The following LRP1 variants were observed in gnomAD, a reference collection of about 807,000 sequenced individuals.
LRP1 encodes LDL receptor related protein 1, also known as prolow-density lipoprotein receptor-related protein 1.
LRP1 carries 51 observed loss-of-function variants against 541.5 expected under a neutral mutation model. The observed-to-expected ratio is 0.09, with a 90% CI of 0.08 to 0.12. The LOEUF (loss-of-function observed/expected upper bound fraction) is 0.12. Among genes scored for constraint, LRP1 ranks in the 10% least tolerant of loss-of-function variants. The pLI is 1.00. For missense variants in LRP1, 3,878 were observed against 6,376.2 expected (o/e 0.61, Z 13.34); for synonymous variants, 2,219 against 2,470.8 (o/e 0.90, Z 3.02).
intron 42 of LRP1, among the ~76,000 whole-genome samples, chr12:57,188,804 C>T (rs535504570): frequency 4.3e-4 from 66 of 152,302 alleles, no homozygotes; most frequent in African/African-American, 1.6e-3. Context: ...GGACTGGCCC[C>T]ACCTGGAAGT....
intron 6 of LRP1, chr12:57,146,728 G>A (rs1004704448): frequency 1.3e-5 from 2 of 152,354 alleles, no homozygotes; most frequent in African/African-American, 4.8e-5. Flanking sequence ...GCTCACCTGT[G>A]ATCAGACATG....
At position 57,196,294 on chromosome 12, in the gene LRP1, G is replaced by A. The variant is rs373158882; in HGVS notation, c.8892+17G>A. Reference sequence around the variant, plus strand: ...GGCTTCAAGGTATGCCCAGCCCTGGGGAGGAGCTTCCACACCCCAGACGTG... The same window carrying A: ...GGCTTCAAGGTATGCCCAGCCCTGGAGAGGAGCTTCCACACCCCAGACGTG... On this transcript the variant is annotated intron_variant, in intron 55 of 88. Coordinates refer to ENST00000243077, the MANE Select transcript of LRP1 (RefSeq NM_002332.3). 4.2e-5 allele frequency: 65 copies of A among 1,550,782 alleles called. No homozygotes were observed. In the African/African-American group the frequency reaches 8.4e-4, roughly 20 times the overall value.
chr12:57,169,243 C>T lies in LRP1; in HGVS notation c.3099C>T (p.Thr1033=). The change falls in exon 20 of 89, where the codon ACC becomes ACT. Residue 1033 remains threonine, a synonymous_variant. Transcript: ENST00000243077. The stretch of plus-strand genomic sequence containing the variant: ...GGCGTTGCATCCCCGAGCACTGGAC[C>T]TGCGATGGGGACAATGACTGCGGAG... ...NSGRCIPEHW[T]CDGDNDCGDY... The T allele has an allele frequency of 6.2e-7, 1 of 1,613,962 alleles. No homozygotes were observed. Among genetic ancestry groups the T allele is most frequent in the Non-Finnish European group, 8.5e-7 (1 of 1,179,962 alleles).
rs534706820 is a variant in LRP1, at chr12:57,212,325, G to C, written c.13494+64G>C. 1 of 1,613,040 alleles carries C rather than the reference G, an allele frequency of 6.2e-7. No individual in the cohort carries two copies. Among genetic ancestry groups the C allele is most frequent in the East Asian group, 2.2e-5 (1 of 44,868 alleles). ...CGTGGGTGGCCTAACCAAAGGTGTT[G>C]GGTTAGGTGAGGGACGGAGGTGGGG... On this transcript the variant is annotated intron_variant, in intron 88 of 88. Transcript: ENST00000243077. This position sits in a 1 kb window ranked among gnomAD's most constrained non-coding sequence, Gnocchi z 5.0.
rs2034962270 is a variant in LRP1, at chr12:57,128,547, GAGCCCCCAGAGCTCCATCA to G, written c.-410_-392del. On this transcript the variant is annotated 5_prime_UTR_variant, in exon 1 of 89. Transcript: ENST00000243077. ...TGCACTGAGGAGGCGGAAACAAGGG[GAGCCCCCAGAGCTCCATCA>G]AGCCCCCTCCAAAGGCTCCCCTACC... The G allele has an allele frequency of 7.6e-6, 3 of 396,106 alleles. No homozygotes were observed. The highest frequency in any genetic ancestry group is 4.4e-6 in the Non-Finnish European group (1 of 224,734). 24.5% of individuals were successfully genotyped at this position (396,106 alleles called of 1,614,324 possible). A position where few individuals can be genotyped will look rare whatever the true frequency, so the allele number is the denominator to read the frequency against.
intron 51 of LRP1, 80 bp from the exon 52 acceptor site, chr12:57,195,191 C>A: frequency 1.3e-6 from 2 of 1,570,858 alleles, no homozygotes; most frequent in Non-Finnish European, 1.7e-6. Context: ...CCCCTGCAGA[C>A]GACGGCGAAC....
In LRP1 at chr12:57,200,492, C is replaced by T. The variant is rs370463475; in HGVS notation, c.10065C>T (p.Thr3355=). ...KCIPFWWKCD[T]EDDCGDHSDE... is the part of the protein sequence containing the mutation. ...TCCCCTTCTGGTGGAAGTGTGACAC[C>T]GAGGACGACTGCGGGGACCACTCAG... The change falls in exon 63 of 89, where the codon ACC becomes ACT. Residue 3355 remains threonine (T), a synonymous_variant. Transcript: ENST00000243077. The T allele has an allele frequency of 1.3e-5, 21 of 1,613,688 alleles. 1 individual carries two copies. The highest frequency in any genetic ancestry group is 3.3e-5 in the Admixed American group (2 of 59,996).
intron 22 of LRP1, among the ~76,000 whole-genome samples, 171 bp downstream of exon 22, chr12:57,174,151 C>T (rs888741640): frequency 4.6e-5 from 7 of 152,186 alleles, no homozygotes; most frequent in East Asian, 3.8e-4. Flanking sequence ...CTCCCCATGG[C>T]GCTGTGCTGA....
intron 20 of LRP1, among the ~76,000 whole-genome samples, chr12:57,169,516 A>T (rs1037343075): frequency 6.6e-6 from 1 of 152,060 alleles, no homozygotes; most frequent in African/African-American, 2.4e-5. Flanking sequence ...TGTTAATATC[A>T]TGCGCTTTGC....
chr12:57,194,941 AC>A (rs759959794), intron 50 of LRP1, 43 bp from the exon 51 acceptor site: 1 of 1,489,856 alleles, frequency 6.7e-7, no homozygotes, highest in Non-Finnish European at 9.4e-7. Flanking sequence ...CAGGTGGGTG[AC>A]CCCCACCCTT....
Position 57,206,534 on chromosome 12 carries a change from C to A in LRP1, c.11652C>A (p.Gly3884=), listed in dbSNP as rs1176296188. The A allele has an allele frequency of 6.2e-7, 1 of 1,614,148 alleles. No homozygotes were observed. ...ATGAGATCCGCAGCCTGTTCCCCGG[C>A]CACCCCCATTCGGCTTACGAGCAGG... ...DDNEIRSLFP[G]HPHSAYEQAF... is the part of the protein sequence containing the mutation. The change falls in exon 76 of 89, where the codon GGC becomes GGA. Residue 3884 remains glycine (G), a synonymous_variant. Transcript: ENST00000243077. The surrounding 1 kb of genome is among the most constrained non-coding windows in gnomAD (Gnocchi z 4.7).
intron 79 of LRP1, 114 bp from the exon 80 acceptor site, chr12:57,209,578 G>C: frequency 1.2e-6 from 1 of 846,936 alleles, no homozygotes; most frequent in Middle Eastern, 2.6e-4. Flanking sequence ...AGAGAATTTG[G>C]TCTGGATGTG....
chr12:57,192,438 G>A (rs565479796), intron 44 of LRP1, among the ~76,000 whole-genome samples: 1 of 152,220 alleles, frequency 6.6e-6, no homozygotes, highest in East Asian at 1.9e-4. Flanking sequence ...AGACAGCCGA[G>A]AGCCTGGGTG....
intron 44 of LRP1, among the ~76,000 whole-genome samples, chr12:57,192,196 C>T (rs1314562302): frequency 6.6e-6 from 1 of 151,906 alleles, no homozygotes; most frequent in East Asian, 1.9e-4. Context: ...TCTCCCTGGG[C>T]CTCCATTACA....
chr12:57,201,927 G>A lies in LRP1; in HGVS notation c.10594+22G>A, dbSNP rs755343893. On this transcript the variant is annotated intron_variant, in intron 67 of 88. Transcript: ENST00000243077. This position sits in a 1 kb window ranked among gnomAD's most constrained non-coding sequence, Gnocchi z 6.4. ...TGTGGTGAGCCGAGACCCCACTCCA[G>A]GAGGAAGACAGTCTACCTGGGTGGG... 5.6e-6 allele frequency: 9 copies of A among 1,613,406 alleles called. No individual in the cohort carries two copies. The highest frequency in any genetic ancestry group is 1.6e-4 in the Middle Eastern group (1 of 6,082).
rs2036544312 is a variant in LRP1 at position 57,196,873 on chromosome 12, T to A, written c.8893-109T>A. ...GGTGGGCTCAGTACCCATATGCTGC[T>A]GCCCCTAGTGAGGCCGGGTAGAGGG... On this transcript the variant is annotated intron_variant, in intron 55 of 88. Transcript: ENST00000243077. 5 of 937,208 alleles carry A rather than the reference T, an allele frequency of 5.3e-6. No individual in the cohort carries two copies. In the Admixed American group the frequency reaches 1.0e-4, roughly 20 times the overall value. 58.1% of individuals were successfully genotyped at this position (937,208 alleles called of 1,614,324 possible).
At chr12:57,149,403 C>G (rs2035482405) in intron 6 of LRP1, 2 of 563,036 alleles carry the variant, frequency 3.6e-6, no homozygotes, top group Non-Finnish European at 6.3e-6. Context: ...CGGCCCAGAT[C>G]CAGCCCTGTC....
chr12:57,143,935 AC>A, intron 4 of LRP1, 137 bp downstream of exon 4: 1 of 1,132,936 alleles, frequency 8.8e-7, no homozygotes, highest in Non-Finnish European at 1.2e-6. Context: ...GGGTGCCACC[AC>A]CCCAGGGCAT....
At chr12:57,167,278 TGAGTGAGTG>T (rs1467117061) in intron 18 of LRP1, among the ~76,000 whole-genome samples, 157 bp from the exon 19 acceptor site, 1 of 152,092 alleles carries the variant, frequency 6.6e-6, no homozygotes, top group Admixed American at 6.5e-5. Context: ...CTCATGGGGA[TGAGTGAGTG>T]GAGTTTCCAG....
Sources: gnomAD v4.1 joint callset for allele counts (sites outside exome capture counted in the v4.1 genomes callset) on GRCh38, gnomAD v4.1.1 for gene constraint, Gnocchi (gnomAD v3.1) non-coding constraint, MANE v1.5 for transcripts, NCBI Gene and HGNC (gene_info 2026-07-23, HGNC 2026-07-21) for gene names.